The following LPCAT4 variants were observed in gnomAD, a reference collection of about 807,000 sequenced individuals.
LPCAT4 encodes the protein lysophospholipid acyltransferase LPCAT4.
Under a neutral mutation model 66.5 loss-of-function variants are expected in LPCAT4, and 30 were observed. The observed-to-expected ratio is 0.45, with a 90% CI of 0.34 to 0.61. The LOEUF (loss-of-function observed/expected upper bound fraction) is 0.61, where lower values mean the gene tolerates loss of function less well. Among genes scored for constraint, LPCAT4 ranks in the 20% least tolerant of loss-of-function variants. The pLI is 0.01. For synonymous variants in LPCAT4, 253 were observed against 262.1 expected, an observed-to-expected ratio of 0.97 and a Z score of 0.34; for missense variants, 557 against 656.7, an observed-to-expected ratio of 0.85 and a Z score of 1.66.
rs1041891332 is a variant in LPCAT4 at position 34,366,903 on chromosome 15, C to A, written c.114+84G>T. On this transcript the variant is annotated intron_variant, in intron 1 of 13. Transcript: ENST00000314891. ...CTCAGCCATCTCCTTCTCGTGGATCCCCAAGCCCACCTTTGCCAGGGCTCA... is the reference window on the plus strand; with the variant it reads ...CTCAGCCATCTCCTTCTCGTGGATCACCAAGCCCACCTTTGCCAGGGCTCA... The A allele has an allele frequency of 5.9e-6, 9 of 1,520,154 alleles. No individual in the cohort carries two copies. The African/African-American group carries it at 1.3e-4, about 21-fold the overall frequency. 94.2% of individuals were successfully genotyped at this position (1,520,154 alleles called of 1,614,324 possible). A position where few individuals can be genotyped will look rare whatever the true frequency, so the allele number is the denominator to read the frequency against.
Position 34,359,239 on chromosome 15 carries a change from C to A in LPCAT4, c.1463G>T (p.Arg488Leu). The change falls in exon 14 of 14, where the codon CGC becomes CTC. Residue 488 changes from arginine (R) to leucine (L), a missense_variant. Physicochemically the swap from Arg to Leu is moderately radical, Grantham distance 102 (BLOSUM62 -2). Around this residue, in one of 4 missense-constraint regions of LPCAT4, gnomAD observed 392 missense variants for 473.9 expected, o/e 0.83. Coordinates refer to ENST00000314891, the MANE Select transcript of LPCAT4 (RefSeq NM_153613.3). ...GGTGCCTCGAGAGGTGTGTGGGGGG[C>A]GCAGGTAGGTGCTGAAGAGTTTCCC... ...LYGKLFSTYL[R>L]PPHTSRGTSQ... 1 of 1,572,012 alleles carries A rather than the reference C, an allele frequency of 6.4e-7. No individual in the cohort carries two copies. Among genetic ancestry groups the A allele is most frequent in the South Asian group, 1.2e-5 (1 of 85,850 alleles).
chr15:34,364,027 A>C lies in LPCAT4; in HGVS notation c.638T>G (p.Leu213Arg). The C allele has an allele frequency of 6.2e-7, 1 of 1,613,080 alleles. No individual in the cohort carries two copies. The highest frequency in any genetic ancestry group is 8.5e-7 in the Non-Finnish European group (1 of 1,179,066). ...ATTTTATTCACCTGGTTTGAACTTA[A>C]GCAAAGCCTTCTTGTTGGAACAGGT... is the stretch of plus-strand genomic sequence containing the variant. ...EGTCSNKKAL[L>R]KFKPGAFIAG... The change falls in exon 5 of 14, where the codon CTT becomes CGT. Residue 213 changes from leucine (L) to arginine (R), a missense_variant. This residue lies in a region of LPCAT4 where 392 missense variants were observed against 473.9 expected (regional missense o/e 0.83). Transcript: ENST00000314891.
intron 11 of LPCAT4, 174 bp downstream of exon 11, chr15:34,361,226 A>G: frequency 1.3e-6 from 2 of 1,489,616 alleles, no homozygotes; most frequent in South Asian, 2.7e-5. Context: ...AATGCACTGG[A>G]TGCCTGATTA....
intron 1 of LPCAT4, 47 bp from the exon 2 acceptor site, chr15:34,365,748 C>T (rs761635533): frequency 3.3e-5 from 53 of 1,598,840 alleles, no homozygotes; most frequent in Non-Finnish European, 3.7e-5. Context: ...GGATATGCTC[C>T]CTCCACAGCA....
chr15:34,363,531 G>T lies in LPCAT4; in HGVS notation c.712-75C>A. The T allele has an allele frequency of 6.2e-7, 1 of 1,604,570 alleles. No individual in the cohort carries two copies. Among genetic ancestry groups the T allele is most frequent in the Non-Finnish European group, 8.5e-7 (1 of 1,171,958 alleles). ...GGAACTGGCCAATCACCTTTGAACA[G>T]AGGGCCTGATCCCACCTCTGGTCAC... On this transcript the variant is annotated intron_variant, in intron 6 of 13. Transcript: ENST00000314891. This position sits in a 1 kb window ranked among gnomAD's most constrained non-coding sequence, Gnocchi z 4.3.
At chr15:34,365,343 C>A in intron 2 of LPCAT4, 115 bp from the exon 3 acceptor site, 1 of 1,227,226 alleles carries the variant, frequency 8.1e-7, no homozygotes, top group East Asian at 2.5e-5. Flanking sequence ...TAGGATGTGA[C>A]CAAGGGGCCA....
Position 34,363,746 on chromosome 15 carries a change from C to CA in LPCAT4, c.653-28dup, listed in dbSNP as rs1595620770. ...TAAATCCCATTTCCACCCCCACCCC[C>CA]ACAAGGCAGAGGTTAGTACACAGAA... On this transcript the variant is annotated intron_variant, in intron 5 of 13. Transcript: ENST00000314891. This position sits in a 1 kb window ranked among gnomAD's most constrained non-coding sequence, Gnocchi z 4.3. 2 of 1,614,040 alleles carry CA rather than the reference C, an allele frequency of 1.2e-6. No homozygotes were observed. Among genetic ancestry groups the CA allele is most frequent in the South Asian group, 1.1e-5 (1 of 91,086 alleles).
At position 34,362,768 on chromosome 15, in the gene LPCAT4, C is replaced by A. The variant is rs776962751; in HGVS notation, c.801+14G>T. On this transcript the variant is annotated intron_variant, in intron 8 of 13. Transcript: ENST00000314891. ...TGAGATGTACTTCTCCCACCGCCCC[C>A]ACGGGAGCCATACCTCCACATCCAC... The A allele has an allele frequency of 5.0e-6, 8 of 1,613,988 alleles. No individual in the cohort carries two copies. The highest frequency in any genetic ancestry group is 1.1e-5 in the South Asian group (1 of 91,082).
At chr15:34,360,728 C>T (rs953178715) in intron 11 of LPCAT4, among the ~76,000 whole-genome samples, 2 of 152,128 alleles carry the variant, frequency 1.3e-5, no homozygotes, top group African/African-American at 2.4e-5. Context: ...GGGGACAGTC[C>T]GCCTCAATCT....
chr15:34,367,056 G>C lies in LPCAT4; in HGVS notation c.45C>G (p.Thr15=). 1 of 1,559,168 alleles carries C rather than the reference G, an allele frequency of 6.4e-7. No individual in the cohort carries two copies. The highest frequency in any genetic ancestry group is 1.2e-5 in the South Asian group (1 of 84,984). ...GGTTGGGGGATGCTGGGGGTCCGGGGGTGGGATCTAGGGGGGCCCAGTCCC... is the reference window on the plus strand; with the variant it reads ...GGTTGGGGGATGCTGGGGGTCCGGGCGTGGGATCTAGGGGGGCCCAGTCCC... The part of the protein sequence containing the change: ...SPGDWAPLDP[T]PGPPASPNPF... Residue 15 remains threonine, a synonymous_variant, in exon 1 of 14, where the codon ACC becomes ACG. Transcript: ENST00000314891.
rs1286768082 is a variant in LPCAT4, at chr15:34,359,224, G to A, written c.1478C>T (p.Ser493Phe). 4.4e-6 allele frequency: 7 copies of A among 1,587,672 alleles called. No homozygotes were observed. Among genetic ancestry groups the A allele is most frequent in the Non-Finnish European group, 6.0e-6 (7 of 1,166,582 alleles). ...ATTTGGTGTCTGGGAGGTGCCTCGA[G>A]AGGTGTGTGGGGGGCGCAGGTAGGT... is the stretch of plus-strand genomic sequence containing the variant. ...FSTYLRPPHT[S>F]RGTSQTPNAS... The change falls in exon 14 of 14, where the codon TCT becomes TTT. Residue 493 changes from serine (S) to phenylalanine (F), a missense_variant. Coordinates refer to ENST00000314891, the MANE Select transcript of LPCAT4 (RefSeq NM_153613.3).
Position 34,359,106 on chromosome 15 carries a change from G to A in LPCAT4, c.*21C>T. On this transcript the variant is annotated 3_prime_UTR_variant, in exon 14 of 14. Coordinates refer to ENST00000314891, the MANE Select transcript of LPCAT4 (RefSeq NM_153613.3). ...GCCCCTAGCGCTGCCCTGAGGAGGAGGGGGTGAGAGGCTGAGGCACTCAGT... is the reference window on the plus strand; with the variant it reads ...GCCCCTAGCGCTGCCCTGAGGAGGAAGGGGTGAGAGGCTGAGGCACTCAGT... The A allele has an allele frequency of 6.3e-7, 1 of 1,591,756 alleles. No homozygotes were observed. Among genetic ancestry groups the A allele is most frequent in the Non-Finnish European group, 8.5e-7 (1 of 1,169,634 alleles).
intron 1 of LPCAT4, among the ~76,000 whole-genome samples, chr15:34,366,612 G>A (rs758727973): frequency 7.1e-4 from 105 of 148,224 alleles, no homozygotes; most frequent in East Asian, 3.6e-3. Flanking sequence ...TACTCGGCAC[G>A]CCCCCGCCCC....
rs181702141 is a variant in LPCAT4, at chr15:34,363,259, G to A, written c.746+163C>T. On this transcript the variant is annotated intron_variant, in intron 7 of 13. Coordinates refer to ENST00000314891, the MANE Select transcript of LPCAT4 (RefSeq NM_153613.3). The surrounding 1 kb of genome is among the most constrained non-coding windows in gnomAD (Gnocchi z 4.3). Reference sequence around the variant, plus strand: ...GGGATAGCTAATCTAAGCACAGCCAGATTATATGGGGACATCAGGGGGAAA... The same window carrying A: ...GGGATAGCTAATCTAAGCACAGCCAAATTATATGGGGACATCAGGGGGAAA... Among the ~76,000 whole-genome samples the A allele has an allele frequency of 6.6e-6, 1 of 152,302 alleles. No homozygotes were observed. The highest frequency in any genetic ancestry group is 1.9e-4 in the East Asian group (1 of 5,176).
In LPCAT4 at chr15:34,363,562, C is replaced by T. The variant is rs1890999863; in HGVS notation, c.711+99G>A. On this transcript the variant is annotated intron_variant, in intron 6 of 13. Transcript: ENST00000314891. This position sits in a 1 kb window ranked among gnomAD's most constrained non-coding sequence, Gnocchi z 4.3. Reference sequence around the variant, plus strand: ...CTGATCCCACCTCTGGTCACAGCCCCCAATGCACATCCCATTAAAGCACCA... The same window carrying T: ...CTGATCCCACCTCTGGTCACAGCCCTCAATGCACATCCCATTAAAGCACCA... 3.1e-6 allele frequency: 5 copies of T among 1,594,912 alleles called. No homozygotes were observed. Among genetic ancestry groups the T allele is most frequent in the Non-Finnish European group, 4.3e-6 (5 of 1,163,112 alleles).
Position 34,359,088 on chromosome 15 carries a change from G to C in LPCAT4, c.*39C>G. 1 of 1,564,490 alleles carries C rather than the reference G, an allele frequency of 6.4e-7. No individual in the cohort carries two copies. The highest frequency in any genetic ancestry group is 1.2e-5 in the South Asian group (1 of 86,008). Reference sequence around the variant, plus strand: ...GGCTGAGGCATAGGGGAGGCCCCTAGCGCTGCCCTGAGGAGGAGGGGGTGA... The same window carrying C: ...GGCTGAGGCATAGGGGAGGCCCCTACCGCTGCCCTGAGGAGGAGGGGGTGA... On this transcript the variant is annotated 3_prime_UTR_variant, in exon 14 of 14. Transcript: ENST00000314891.
chr15:34,365,811 T>C (rs925082154), intron 1 of LPCAT4, 110 bp from the exon 2 acceptor site: 6 of 1,314,824 alleles, frequency 4.6e-6, no homozygotes, highest in Non-Finnish European at 2.1e-6. Context: ...ATCCCTTGCA[T>C]GTGACAGGTG....
At chr15:34,362,131 C>A in intron 10 of LPCAT4, 65 bp downstream of exon 10, 1 of 1,199,656 alleles carries the variant, frequency 8.3e-7, no homozygotes. Context: ...CATTTCTCCC[C>A]TTCTTATTCT....
intron 9 of LPCAT4, 115 bp from the exon 10 acceptor site, chr15:34,362,436 G>T: frequency 6.9e-7 from 1 of 1,454,056 alleles, no homozygotes; most frequent in Non-Finnish European, 9.4e-7. Context: ...AAATCTCCCT[G>T]CCTCTGTCTC....
Sources: allele counts gnomAD v4.1 joint callset (sites outside exome capture counted in the v4.1 genomes callset), GRCh38; gene constraint gnomAD v4.1.1; regional missense constraint gnomAD v4.1.1; non-coding constraint Gnocchi (gnomAD v3.1); transcripts MANE v1.5; gene names NCBI Gene and HGNC (gene_info 2026-07-23, HGNC 2026-07-21).